ASH1L: variants seen among roughly 807,000 people sequenced by gnomAD.
ASH1L encodes ASH1 like histone lysine methyltransferase, also known as histone-lysine N-methyltransferase ASH1L.
Under a neutral mutation model 269.0 loss-of-function variants are expected in ASH1L, and 23 were observed. That is an observed-to-expected ratio of 0.09 (90% CI 0.06 to 0.12). The LOEUF is 0.12. Ranked by LOEUF, ASH1L falls within the 10% of genes least tolerant of loss-of-function variation. The pLI, the probability that ASH1L is intolerant of heterozygous loss-of-function variation, is 1.00. For missense variants in ASH1L, 2,912 were observed against 3,567.8 expected (o/e 0.82, Z 4.68); for synonymous variants, 1,187 against 1,253.5 (o/e 0.95, Z 1.12).
At position 155,337,546 on chromosome 1, in the gene ASH1L, C is replaced by T; in HGVS notation, c.*114G>A. The stretch of plus-strand genomic sequence containing the variant: ...GTACCTAATGTCAACAACATGGCCC[C>T]ATTCCCCTTGCCCAGATGGACCCTT... On this transcript the variant is annotated 3_prime_UTR_variant, in exon 28 of 28. Transcript: ENST00000392403. The T allele has an allele frequency of 1.2e-6, 1 of 814,146 alleles. No individual in the cohort carries two copies. Among genetic ancestry groups the T allele is most frequent in the Non-Finnish European group, 2.1e-6 (1 of 478,080 alleles). 50.4% of individuals were successfully genotyped at this position (814,146 alleles called of 1,614,324 possible). A position where few individuals can be genotyped will look rare whatever the true frequency, so the allele number is the denominator to read the frequency against.
intron 5 of ASH1L, among the ~76,000 whole-genome samples, chr1:155,417,581 G>A (rs1660318543): frequency 6.6e-6 from 1 of 152,154 alleles, no homozygotes. Context: ...GAAAGACATT[G>A]TTCAACAATA....
At chr1:155,561,700 T>G (rs558321846) in intron 1 of ASH1L, among the ~76,000 whole-genome samples, 131 of 151,908 alleles carry the variant, frequency 8.6e-4, no homozygotes, top group East Asian at 1.9e-3. Context: ...TTTATTAAAC[T>G]TACAACACTG....
chr1:155,523,013 A>T (rs1267662073), intron 1 of ASH1L, among the ~76,000 whole-genome samples: 1 of 152,126 alleles, frequency 6.6e-6, no homozygotes, highest in Non-Finnish European at 1.5e-5. Context: ...ATATATTAAT[A>T]AAACCAAAAC....
chr1:155,419,977 T>C (rs1265658106), intron 5 of ASH1L, among the ~76,000 whole-genome samples: 1 of 152,168 alleles, frequency 6.6e-6, no homozygotes, highest in Non-Finnish European at 1.5e-5. Flanking sequence ...ATTTGTATGT[T>C]CTATCAATGA....
chr1:155,411,586 AATATATATATAT>A lies in ASH1L; in HGVS notation c.6008+4146_6008+4157del, dbSNP rs368800129. 3.7e-3 allele frequency among the ~76,000 whole-genome samples: 205 copies of A among 55,170 alleles called. 19 individuals are homozygous for A. The highest frequency in any genetic ancestry group is 0.032 in the South Asian group (38 of 1,186). 36.2% of individuals were successfully genotyped at this position (55,170 alleles called of 152,430 possible). ...AAATATGAATATAAATAAATAAATA[AATATATATATAT>A]ATATATATATATATATATATGTTTT... On this transcript the variant is annotated intron_variant, in intron 6 of 27. Transcript: ENST00000392403.
chr1:155,446,471 G>C (rs546991607), intron 4 of ASH1L, among the ~76,000 whole-genome samples: 3 of 145,928 alleles, frequency 2.1e-5, no homozygotes. Flanking sequence ...GCTAATTTTT[G>C]TAATTTTTGC....
intron 2 of ASH1L, among the ~76,000 whole-genome samples, chr1:155,505,681 A>G (rs1667768220): frequency 6.6e-6 from 1 of 152,176 alleles, no homozygotes; most frequent in Non-Finnish European, 1.5e-5. Context: ...GAATATACTA[A>G]AAACACTGAA....
At chr1:155,426,254 G>A (rs1384685741) in intron 5 of ASH1L, among the ~76,000 whole-genome samples, 2 of 151,826 alleles carry the variant, frequency 1.3e-5, no homozygotes, top group African/African-American at 4.8e-5. Context: ...TATTTTAGTA[G>A]AGATGGGGTT....
chr1:155,502,071 CTTT>C (rs769262562), intron 2 of ASH1L, among the ~76,000 whole-genome samples: 5 of 126,408 alleles, frequency 4.0e-5, no homozygotes, highest in Non-Finnish European at 5.1e-5. Context: ...CTTTTCTTTT[CTTT>C]TTTTTTTTTT....
chr1:155,539,898 A>C (rs1182116320), intron 1 of ASH1L, among the ~76,000 whole-genome samples: 3 of 151,888 alleles, frequency 2.0e-5, no homozygotes, highest in Admixed American at 1.3e-4. Context: ...TCCACTAAAA[A>C]TAAAAAATAA....
chr1:155,343,647 T>G lies in ASH1L; in HGVS notation c.8077A>C (p.Lys2693Gln). 2 of 1,614,212 alleles carry G rather than the reference T, an allele frequency of 1.2e-6. No homozygotes were observed. The highest frequency in any genetic ancestry group is 2.2e-5 in the South Asian group (2 of 91,086). ...TTCTCAATGCGAAAGATGTCAAGTT[T>G]ATCTCGGTTAATGTGAGATAACAGT... ...YRLLSHINRDKLDIFRIEKLW... is the reference protein window; with the variant it reads ...YRLLSHINRDQLDIFRIEKLW... The change falls in exon 23 of 28, where the codon AAA (lysine) becomes CAA (glutamine). Residue 2693 changes from lysine to glutamine, a missense_variant. This residue lies in a region of ASH1L where 179 missense variants were observed against 293.8 expected (regional missense o/e 0.61). Coordinates refer to ENST00000392403, the MANE Select transcript of ASH1L (RefSeq NM_018489.3). This position sits in a 1 kb window ranked among gnomAD's most constrained non-coding sequence, Gnocchi z 6.1.
intron 1 of ASH1L, among the ~76,000 whole-genome samples, chr1:155,558,332 G>A (rs958034790): frequency 5.3e-5 from 8 of 152,084 alleles, no homozygotes; most frequent in African/African-American, 1.4e-4. Context: ...ATAGCCGGGC[G>A]TGGTGGCACA....
At chr1:155,358,248 A>G (rs1654591935) in intron 13 of ASH1L, among the ~76,000 whole-genome samples, 1 of 152,156 alleles carries the variant, frequency 6.6e-6, no homozygotes, top group Non-Finnish European at 1.5e-5. Context: ...AATTTTAGGA[A>G]AACTTCTTCC....
At chr1:155,499,024 A>T (rs1253223982) in intron 2 of ASH1L, among the ~76,000 whole-genome samples, 1 of 152,166 alleles carries the variant, frequency 6.6e-6, no homozygotes, top group Non-Finnish European at 1.5e-5. Flanking sequence ...TCAAAAGCAG[A>T]CCACAATGGG....
At chr1:155,488,131 C>T (rs556104620) in intron 2 of ASH1L, among the ~76,000 whole-genome samples, 32 of 149,432 alleles carry the variant, frequency 2.1e-4, no homozygotes, top group East Asian at 4.1e-4. Context: ...GTGATCCACC[C>T]GCCTCAGCCT....
chr1:155,509,823 G>A (rs1168972527), intron 2 of ASH1L, among the ~76,000 whole-genome samples: 1 of 151,972 alleles, frequency 6.6e-6, no homozygotes, highest in Non-Finnish European at 1.5e-5. Flanking sequence ...ATAATAATAA[G>A]TGTTGGGACA....
At chr1:155,425,893 T>C (rs1661114738) in intron 5 of ASH1L, among the ~76,000 whole-genome samples, 1 of 92,904 alleles carries the variant, frequency 1.1e-5, no homozygotes, top group African/African-American at 2.8e-5. Flanking sequence ...TTTTTTGTGG[T>C]GTTTTTTTTT....
At chr1:155,426,500 CCATT>C (rs1208121556) in intron 5 of ASH1L, among the ~76,000 whole-genome samples, 1 of 151,912 alleles carries the variant, frequency 6.6e-6, no homozygotes, top group Non-Finnish European at 1.5e-5. Flanking sequence ...CGCGCCTGGC[CCATT>C]AATTTTTATA....
intron 7 of ASH1L, among the ~76,000 whole-genome samples, chr1:155,383,344 C>T (rs1184944724): frequency 2.0e-5 from 3 of 152,096 alleles, no homozygotes. Context: ...AATCACTGAC[C>T]CACAGAGAGG....
Sources: allele counts gnomAD v4.1 joint callset (sites outside exome capture counted in the v4.1 genomes callset), GRCh38; gene constraint gnomAD v4.1.1; regional missense constraint gnomAD v4.1.1; non-coding constraint Gnocchi (gnomAD v3.1); transcripts MANE v1.5; gene names NCBI Gene and HGNC (gene_info 2026-07-23, HGNC 2026-07-21).